Variants in GALNTL6 observed in about 807,000 individuals in gnomAD.
The protein encoded by GALNTL6 is polypeptide N-acetylgalactosaminyltransferase like 6, also known as polypeptide N-acetylgalactosaminyltransferase-like 6.
A neutral mutation model predicts 73.7 loss-of-function variants in GALNTL6; 46 were observed. That is an observed-to-expected ratio of 0.62 (90% CI 0.49 to 0.80). The LOEUF is 0.80. GALNTL6 is among the 30% of genes least tolerant of loss of function. GALNTL6 has a pLI of 0.00. For missense variants in GALNTL6, 604 were observed against 755.0 expected, an observed-to-expected ratio of 0.80 and a Z score of 2.34; for synonymous variants, 259 against 263.7, an observed-to-expected ratio of 0.98 and a Z score of 0.17.
intron 5 of GALNTL6, among the ~76,000 whole-genome samples, chr4:172,496,880 A>T (rs548161795): frequency 6.6e-6 from 1 of 152,214 alleles, no homozygotes; most frequent in Non-Finnish European, 1.5e-5. Flanking sequence ...CAAAAGATTA[A>T]ACTTATATTA....
chr4:172,575,739 TG>T (rs932641291), intron 5 of GALNTL6, among the ~76,000 whole-genome samples: 1 of 152,218 alleles, frequency 6.6e-6, no homozygotes, highest in Non-Finnish European at 1.5e-5. Context: ...GATTTCCAGC[TG>T]TGTGTTTCTC....
chr4:172,833,015 G>A (rs2111059901), intron 7 of GALNTL6, among the ~76,000 whole-genome samples: 1 of 152,058 alleles, frequency 6.6e-6, no homozygotes, highest in East Asian at 1.9e-4. Context: ...TGGCCAGGTG[G>A]GAAGAACTGT....
chr4:171,996,128 A>T (rs935795400), intron 2 of GALNTL6, among the ~76,000 whole-genome samples: 1 of 152,132 alleles, frequency 6.6e-6, no homozygotes, highest in East Asian at 1.9e-4. Context: ...TACACTTAAC[A>T]TTAAGTGGGT....
chr4:172,088,347 A>C (rs938588490), intron 2 of GALNTL6, among the ~76,000 whole-genome samples: 2 of 152,218 alleles, frequency 1.3e-5, no homozygotes, highest in Non-Finnish European at 2.9e-5. Context: ...GAAACTGAAT[A>C]GACAAAAAGC....
chr4:172,930,909 C>T (rs1246419669), intron 8 of GALNTL6, among the ~76,000 whole-genome samples: 4 of 152,180 alleles, frequency 2.6e-5, no homozygotes, highest in Non-Finnish European at 5.9e-5. Context: ...AAGTGATCCT[C>T]CCTCCTTGGC....
intron 2 of GALNTL6, among the ~76,000 whole-genome samples, chr4:172,003,044 T>C (rs1740725011): frequency 6.6e-6 from 1 of 152,008 alleles, no homozygotes; most frequent in Admixed American, 6.6e-5. Context: ...TAAGAAGAGG[T>C]GGTATTGTAC....
chr4:172,733,764 CA>C (rs1167327138), intron 5 of GALNTL6, among the ~76,000 whole-genome samples: 1 of 152,176 alleles, frequency 6.6e-6, no homozygotes, highest in Non-Finnish European at 1.5e-5. Flanking sequence ...ACTGTGATTT[CA>C]AAAACTTCTT....
intron 5 of GALNTL6, among the ~76,000 whole-genome samples, chr4:172,517,771 A>G (rs939489305): frequency 2.0e-5 from 3 of 152,082 alleles, no homozygotes; most frequent in Non-Finnish European, 4.4e-5. Flanking sequence ...AAAATTTCTG[A>G]GGGACCAAAT....
At chr4:172,500,169 C>G (rs1298019623) in intron 5 of GALNTL6, among the ~76,000 whole-genome samples, 4 of 152,154 alleles carry the variant, frequency 2.6e-5, no homozygotes, top group Non-Finnish European at 4.4e-5. Flanking sequence ...GCCTATAATC[C>G]AAGCACTTTG....
intron 2 of GALNTL6, among the ~76,000 whole-genome samples, chr4:171,825,217 A>G (rs1476389163): frequency 2.0e-5 from 3 of 152,124 alleles, no homozygotes; most frequent in African/African-American, 7.2e-5. Flanking sequence ...GGTTGCATCC[A>G]ACAGTCAGGT....
chr4:172,320,879 T>G (rs987047148), intron 4 of GALNTL6, among the ~76,000 whole-genome samples: 2 of 152,210 alleles, frequency 1.3e-5, no homozygotes, highest in Non-Finnish European at 2.9e-5. Context: ...CGCTGGAGAC[T>G]TAACCATGTA....
chr4:172,432,441 C>T lies in GALNTL6; in HGVS notation c.553+83752C>T, dbSNP rs539533846. 5.3e-5 allele frequency among the ~76,000 whole-genome samples: 8 copies of T among 151,770 alleles called. No homozygotes were observed. The East Asian group carries it at 5.8e-4, about 11-fold the overall frequency. ...AAAAGAATAAAGATTTTTCAGTGTC[C>T]GAAATTACATCACGCAAACCCTCTG... On this transcript the variant is annotated intron_variant, in intron 5 of 12. Coordinates refer to ENST00000506823, the MANE Select transcript of GALNTL6 (RefSeq NM_001034845.3).
intron 5 of GALNTL6, among the ~76,000 whole-genome samples, chr4:172,586,548 C>T (rs555944731): frequency 5.3e-5 from 8 of 151,430 alleles, no homozygotes; most frequent in African/African-American, 1.7e-4. Flanking sequence ...GAAAATATCC[C>T]GGGCGGTGGG....
chr4:172,615,316 T>G (rs1738681582), intron 5 of GALNTL6, among the ~76,000 whole-genome samples: 1 of 152,184 alleles, frequency 6.6e-6, no homozygotes. Context: ...TCCTTTTTAT[T>G]AAAAATGAAT....
At position 172,952,018 on chromosome 4, in the gene GALNTL6, TTG is replaced by T. The variant is rs201651235; in HGVS notation, c.1150-17_1150-16del. 289 of 1,399,938 alleles carry T rather than the reference TTG, an allele frequency of 2.1e-4. No homozygotes were observed. The highest frequency in any genetic ancestry group is 3.5e-4 in the African/African-American group (11 of 31,692). 86.7% of individuals were successfully genotyped at this position (1,399,938 alleles called of 1,614,324 possible). ...ATGAATAAACCAATAAATGACATTT[TTG>T]TTTTCCTGCTGCACAGAACCTGAAG... On this transcript the variant is annotated splice_polypyrimidine_tract_variant and intron_variant, in intron 9 of 12. Coordinates refer to ENST00000506823, the MANE Select transcript of GALNTL6 (RefSeq NM_001034845.3).
At chr4:172,874,469 G>C (rs1745092507) in intron 7 of GALNTL6, among the ~76,000 whole-genome samples, 1 of 152,140 alleles carries the variant, frequency 6.6e-6, no homozygotes, top group Non-Finnish European at 1.5e-5. Context: ...CATGTTGGAG[G>C]ACAAATGAGG....
At chr4:172,675,416 C>G (rs2111216581) in intron 5 of GALNTL6, among the ~76,000 whole-genome samples, 1 of 152,336 alleles carries the variant, frequency 6.6e-6, no homozygotes, top group South Asian at 2.1e-4. Context: ...CCTGTGGCAG[C>G]TCACCACAGT....
At chr4:172,797,761 A>C (rs750454970) in intron 5 of GALNTL6, among the ~76,000 whole-genome samples, 11 of 146,864 alleles carry the variant, frequency 7.5e-5, no homozygotes, top group Non-Finnish European at 1.2e-4. Context: ...TAGATCTCGA[A>C]CTCCTGACCT....
chr4:172,095,492 A>T (rs916343309), intron 2 of GALNTL6, among the ~76,000 whole-genome samples: 12 of 152,312 alleles, frequency 7.9e-5, no homozygotes, highest in Middle Eastern at 3.4e-3. Flanking sequence ...TTAATCAAAC[A>T]GGAAAAAGCA....
Sources: gnomAD v4.1 joint callset for allele counts (sites outside exome capture counted in the v4.1 genomes callset) on GRCh38, gnomAD v4.1.1 for gene constraint, MANE v1.5 for transcripts, NCBI Gene and HGNC (gene_info 2026-07-23, HGNC 2026-07-21) for gene names.